Variants in ZSWIM6 observed in about 807,000 individuals in gnomAD.
The protein encoded by ZSWIM6 is zinc finger SWIM-type containing 6, also known as zinc finger SWIM domain-containing protein 6.
ZSWIM6 carries 9 observed loss-of-function variants against 113.2 expected under a neutral mutation model. The observed-to-expected ratio is 0.08, with a 90% confidence interval of 0.05 to 0.14. ZSWIM6 has a LOEUF of 0.14. ZSWIM6 is among the 10% of genes least tolerant of loss of function. The pLI is 1.00. For missense variants in ZSWIM6, 1,162 were observed against 1,552.2 expected, an observed-to-expected ratio of 0.75 and a Z score of 4.22; for synonymous variants, 611 against 606.5, an observed-to-expected ratio of 1.01 and a Z score of -0.11.
At chr5:61,416,121 A>G (rs1003278264) in intron 1 of ZSWIM6, among the ~76,000 whole-genome samples, 1 of 152,196 alleles carries the variant, frequency 6.6e-6, no homozygotes, top group African/African-American at 2.4e-5. Flanking sequence ...TTTGCATGTG[A>G]GTTTGTGGAA....
At chr5:61,445,518 T>C (rs182960285) in intron 1 of ZSWIM6, among the ~76,000 whole-genome samples, 1 of 152,320 alleles carries the variant, frequency 6.6e-6, no homozygotes, top group East Asian at 1.9e-4. Context: ...AAAAAATCAT[T>C]GGAAAGTACA....
At chr5:61,520,403 A>G (rs1428004896) in intron 4 of ZSWIM6, among the ~76,000 whole-genome samples, 1 of 152,196 alleles carries the variant, frequency 6.6e-6, no homozygotes, top group Non-Finnish European at 1.5e-5. Context: ...TGTAGAAAGG[A>G]ATAATTTATC....
intron 1 of ZSWIM6, among the ~76,000 whole-genome samples, chr5:61,438,056 A>C (rs1174374239): frequency 1.3e-5 from 2 of 152,212 alleles, no homozygotes; most frequent in Non-Finnish European, 2.9e-5. Flanking sequence ...ATTATAATTT[A>C]TATTATGAGG....
intron 1 of ZSWIM6, among the ~76,000 whole-genome samples, chr5:61,399,241 T>TG (rs1745901146): frequency 6.6e-6 from 1 of 151,180 alleles, no homozygotes; most frequent in South Asian, 2.1e-4. Flanking sequence ...GTTTTTTTTT[T>TG]TTTTTTTTTT....
At chr5:61,436,163 T>C (rs1489842697) in intron 1 of ZSWIM6, among the ~76,000 whole-genome samples, 1 of 150,452 alleles carries the variant, frequency 6.6e-6, no homozygotes, top group Admixed American at 6.6e-5. Context: ...ATTGCGCCAT[T>C]GCACTTCAGC....
chr5:61,388,500 A>C (rs1745637817), intron 1 of ZSWIM6, among the ~76,000 whole-genome samples: 3 of 152,208 alleles, frequency 2.0e-5, no homozygotes, highest in African/African-American at 7.2e-5. Flanking sequence ...ACATTTCAAA[A>C]CCTTGCTTGA....
At chr5:61,477,459 C>A (rs1229965920) in intron 2 of ZSWIM6, among the ~76,000 whole-genome samples, 2 of 152,182 alleles carry the variant, frequency 1.3e-5, no homozygotes, top group Non-Finnish European at 2.9e-5. Context: ...TCTACAGAGG[C>A]ATAGGAGGAA....
At chr5:61,406,661 A>G (rs1327936082) in intron 1 of ZSWIM6, among the ~76,000 whole-genome samples, 1 of 151,850 alleles carries the variant, frequency 6.6e-6, no homozygotes, top group Non-Finnish European at 1.5e-5. Flanking sequence ...TAAAGGTGGC[A>G]TATGATACTA....
intron 1 of ZSWIM6, among the ~76,000 whole-genome samples, chr5:61,449,979 A>G (rs1311116773): frequency 6.6e-6 from 1 of 152,194 alleles, no homozygotes; most frequent in Non-Finnish European, 1.5e-5. Context: ...TGGGGCATTG[A>G]ACAGTTTTGG....
intron 1 of ZSWIM6, among the ~76,000 whole-genome samples, chr5:61,418,332 A>G (rs1198635114): frequency 6.6e-6 from 1 of 152,004 alleles, no homozygotes; most frequent in African/African-American, 2.4e-5. Context: ...CAATGTTGTG[A>G]TCTTGGCTCA....
intron 1 of ZSWIM6, among the ~76,000 whole-genome samples, chr5:61,385,595 C>T (rs890637764): frequency 2.0e-5 from 3 of 152,214 alleles, no homozygotes; most frequent in Admixed American, 6.5e-5. Context: ...ATCTTGGCCC[C>T]TGCATTGGCA....
At chr5:61,414,758 A>G (rs1048524306) in intron 1 of ZSWIM6, among the ~76,000 whole-genome samples, 3 of 152,166 alleles carry the variant, frequency 2.0e-5, no homozygotes, top group Non-Finnish European at 4.4e-5. Flanking sequence ...ACTGAATAAG[A>G]TTATTTATGT....
chr5:61,343,885 CT>C (rs34203086), intron 1 of ZSWIM6, among the ~76,000 whole-genome samples: 257 of 137,924 alleles, frequency 1.9e-3, no homozygotes, highest in African/African-American at 2.0e-3. Flanking sequence ...GCACTTTGGA[CT>C]TTTTTTTTTT....
At chr5:61,357,714 A>G (rs1037663970) in intron 1 of ZSWIM6, among the ~76,000 whole-genome samples, 1 of 152,120 alleles carries the variant, frequency 6.6e-6, no homozygotes, top group African/African-American at 2.4e-5. Flanking sequence ...TAATATAATT[A>G]AAAAATAATC....
intron 1 of ZSWIM6, among the ~76,000 whole-genome samples, chr5:61,461,489 G>A (rs1197372269): frequency 6.6e-6 from 1 of 152,224 alleles, no homozygotes; most frequent in African/African-American, 2.4e-5. Flanking sequence ...TCTTACTTTT[G>A]AGTTGTGTAG....
intron 1 of ZSWIM6, among the ~76,000 whole-genome samples, chr5:61,458,915 C>T (rs1381457236): frequency 6.6e-6 from 1 of 150,912 alleles, no homozygotes; most frequent in Non-Finnish European, 1.5e-5. Context: ...AGGCCAAAGA[C>T]TCGAGGTAAA....
intron 2 of ZSWIM6, among the ~76,000 whole-genome samples, chr5:61,479,401 C>G (rs1431664896): frequency 6.6e-6 from 1 of 152,044 alleles, no homozygotes; most frequent in African/African-American, 2.4e-5. Flanking sequence ...ACTTTTAGCC[C>G]AATACCCTTC....
intron 1 of ZSWIM6, chr5:61,375,538 T>G: frequency 6.4e-7 from 1 of 1,550,646 alleles, no homozygotes; most frequent in Non-Finnish European, 8.7e-7. Flanking sequence ...ACATAAATCT[T>G]CTGAAAGCTC....
chr5:61,480,428 C>T (rs978426624), intron 2 of ZSWIM6, among the ~76,000 whole-genome samples: 53 of 152,128 alleles, frequency 3.5e-4, no homozygotes, highest in African/African-American at 1.2e-3. Context: ...GAGCAGAACC[C>T]GGTGCACATC....
Sources: gnomAD v4.1 joint callset for allele counts (sites outside exome capture counted in the v4.1 genomes callset) on GRCh38, gnomAD v4.1.1 for gene constraint, MANE v1.5 for transcripts, NCBI Gene and HGNC (gene_info 2026-07-23, HGNC 2026-07-21) for gene names.